ZNF766: variants seen among roughly 807,000 people sequenced by gnomAD.
ZNF766 encodes zinc finger protein 766.
A neutral mutation model predicts 13.2 loss-of-function variants in ZNF766; 13 were observed. The ratio of observed to expected loss-of-function variants is 0.98; its 90% CI spans 0.64 to 1.56. The LOEUF (loss-of-function observed/expected upper bound fraction) is 1.56, where lower values mean the gene tolerates loss of function less well. Ranked by LOEUF, ZNF766 falls within the 40% of genes most tolerant of loss-of-function variation. The probability of loss-of-function intolerance (pLI) is 0.00; values close to 1 mark genes in which losing one functional copy is unlikely to be tolerated. For missense variants in ZNF766, 521 were observed against 552.2 expected (o/e 0.94, Z 0.57); for synonymous variants, 178 against 187.6 (o/e 0.95, Z 0.42).
At chr19:52,278,230 C>T (rs938330108) in intron 1 of ZNF766, among the ~76,000 whole-genome samples, 18 of 152,020 alleles carry the variant, frequency 1.2e-4, no homozygotes, top group African/African-American at 4.3e-4. Flanking sequence ...GCCATCACGC[C>T]AGGCCTTTTC....
At chr19:52,274,482 TGGA>T (rs1343844822) in intron 1 of ZNF766, 1 of 152,358 alleles carries the variant, frequency 6.6e-6, no homozygotes. Context: ...AACCTGGATG[TGGA>T]GGAGGATGAC....
chr19:52,273,164 A>G (rs1981048354), intron 1 of ZNF766, among the ~76,000 whole-genome samples: 1 of 151,872 alleles, frequency 6.6e-6, no homozygotes, highest in African/African-American at 2.4e-5. Flanking sequence ...GTGCACCATC[A>G]CGCCCAACTA....
intron 1 of ZNF766, among the ~76,000 whole-genome samples, chr19:52,280,955 C>T (rs1442175462): frequency 5.9e-5 from 9 of 151,330 alleles, no homozygotes; most frequent in Admixed American, 3.9e-4. Flanking sequence ...GTCAGGAGTT[C>T]GAGACCAGCC....
Position 52,291,437 on chromosome 19 carries a change from G to A in ZNF766, c.*239G>A, listed in dbSNP as rs1982140008. ...GTGTATAAAGGGTGCAAGGACACGTGGAAATGATCTGTAATATTCGGGTTA... is the reference window on the plus strand; with the variant it reads ...GTGTATAAAGGGTGCAAGGACACGTAGAAATGATCTGTAATATTCGGGTTA... On this transcript the variant is annotated 3_prime_UTR_variant, in exon 4 of 4. Coordinates refer to ENST00000439461, the MANE Select transcript of ZNF766 (RefSeq NM_001010851.3). 2.3e-6 allele frequency: 1 copy of A among 442,132 alleles called. No individual in the cohort carries two copies. Among genetic ancestry groups the A allele is most frequent in the Non-Finnish European group, 4.0e-6 (1 of 252,318 alleles). 27.4% of individuals were successfully genotyped at this position (442,132 alleles called of 1,614,324 possible).
At chr19:52,273,251 G>A (rs1422191132) in intron 1 of ZNF766, among the ~76,000 whole-genome samples, 2 of 152,086 alleles carry the variant, frequency 1.3e-5, no homozygotes, top group Non-Finnish European at 2.9e-5. Flanking sequence ...CTTGTGATCT[G>A]CCCGCCTTGG....
Position 52,293,293 on chromosome 19 carries a change from C to T in ZNF766, c.*2095C>T, listed in dbSNP as rs1446585248. 1.3e-5 allele frequency: 2 copies of T among 151,682 alleles called. No individual in the cohort carries two copies. Among genetic ancestry groups the T allele is most frequent in the Non-Finnish European group, 2.9e-5 (2 of 68,016 alleles). The allele number at this position is 151,682 out of a possible 1,614,324, so 9.4% of individuals were successfully genotyped here. On this transcript the variant is annotated 3_prime_UTR_variant, in exon 4 of 4. Coordinates refer to ENST00000439461, the MANE Select transcript of ZNF766 (RefSeq NM_001010851.3). ...GGTTCAAGTGATTCTCCTGTCTACA[C>T]CTCCCAAGTAGCTGGATTACAGGCA...
rs937828411 is a variant in ZNF766, at chr19:52,291,916, A to G, written c.*718A>G. ...GTAGCAAGGCCCATCCCTACAAAATAAAAAAAATAAGCCAGGCCCTTGGCA... is the reference window on the plus strand; with the variant it reads ...GTAGCAAGGCCCATCCCTACAAAATGAAAAAAATAAGCCAGGCCCTTGGCA... On this transcript the variant is annotated 3_prime_UTR_variant, in exon 4 of 4. Coordinates refer to ENST00000439461, the MANE Select transcript of ZNF766 (RefSeq NM_001010851.3). The G allele has an allele frequency of 1.1e-5, 5 of 474,130 alleles. No homozygotes were observed. The highest frequency in any genetic ancestry group is 1.9e-5 in the Non-Finnish European group (5 of 266,202). 29.4% of individuals were successfully genotyped at this position (474,130 alleles called of 1,614,324 possible).
At position 52,292,091 on chromosome 19, in the gene ZNF766, G is replaced by T; in HGVS notation, c.*893G>T. 2 of 697,062 alleles carry T rather than the reference G, an allele frequency of 2.9e-6. No homozygotes were observed. Among genetic ancestry groups the T allele is most frequent in the Admixed American group, 2.1e-5 (1 of 48,362 alleles). 43.2% of individuals were successfully genotyped at this position (697,062 alleles called of 1,614,324 possible). A position where few individuals can be genotyped will look rare whatever the true frequency, so the allele number is the denominator to read the frequency against. On this transcript the variant is annotated 3_prime_UTR_variant, in exon 4 of 4. Coordinates refer to ENST00000439461, the MANE Select transcript of ZNF766 (RefSeq NM_001010851.3). ...GACCCTGTCTCAAAAGAAAAAAAAG[G>T]CTAGTTTTTATGACTTCAACCTGAA...
Position 52,295,418 on chromosome 19 carries a change from C to T in ZNF766, c.*4220C>T, listed in dbSNP as rs1319685585. ...AGGCATGGTCTTGAACTCCTGACTT[C>T]AGGTGATCCACCCGCTTCGGCCTCC... On this transcript the variant is annotated 3_prime_UTR_variant, in exon 4 of 4. Transcript: ENST00000439461. 1 of 152,252 alleles carries T rather than the reference C, an allele frequency of 6.6e-6. No individual in the cohort carries two copies. The highest frequency in any genetic ancestry group is 1.5e-5 in the Non-Finnish European group (1 of 68,082). 9.4% of individuals were successfully genotyped at this position (152,252 alleles called of 1,614,324 possible).
chr19:52,270,607 C>G (rs1293699641), intron 1 of ZNF766, among the ~76,000 whole-genome samples: 1 of 151,894 alleles, frequency 6.6e-6, no homozygotes, highest in Non-Finnish European at 1.5e-5. Flanking sequence ...GGAGAACCAC[C>G]CCAGAGATCT....
intron 1 of ZNF766, among the ~76,000 whole-genome samples, chr19:52,270,941 C>T (rs113122881): frequency 1.3e-5 from 2 of 152,076 alleles, no homozygotes; most frequent in African/African-American, 4.8e-5. Flanking sequence ...CCCGCCAGCT[C>T]GCCTGGCCAA....
At chr19:52,269,667 A>G in intron 1 of ZNF766, 36 bp downstream of exon 1, 1 of 1,611,662 alleles carries the variant, frequency 6.2e-7, no homozygotes, top group African/African-American at 1.3e-5. Context: ...GTGTTCGCTT[A>G]GCGGTGCCCT....
At chr19:52,272,528 G>A (rs576266393) in intron 1 of ZNF766, among the ~76,000 whole-genome samples, 104 of 152,196 alleles carry the variant, frequency 6.8e-4, no homozygotes, top group African/African-American at 2.5e-3. Context: ...GTGCAGTGGT[G>A]CAATCATAGC....
rs1568618564 is a variant in ZNF766 at position 52,280,358 on chromosome 19, C to CT, written c.19-1752dup. Among the ~76,000 whole-genome samples, 5 of 151,982 alleles carry CT rather than the reference C, an allele frequency of 3.3e-5. No individual in the cohort carries two copies. The South Asian group carries it at 8.3e-4, about 25-fold the overall frequency. ...TGGACAACATAGCAAGACCCAGTCTCTAAGAATTTTTTTTAAAAAAGATGA... is the reference window on the plus strand; with the variant it reads ...TGGACAACATAGCAAGACCCAGTCTCTTAAGAATTTTTTTTAAAAAAGATGA... On this transcript the variant is annotated intron_variant, in intron 1 of 3. Coordinates refer to ENST00000439461, the MANE Select transcript of ZNF766 (RefSeq NM_001010851.3).
chr19:52,295,476 T>C lies in ZNF766; in HGVS notation c.*4278T>C, dbSNP rs4801911. 0.43 allele frequency: 65,360 copies of C among 152,096 alleles called. 14,493 individuals carry two copies. Among genetic ancestry groups the C allele is most frequent in the African/African-American group, 0.53 (22,072 of 41,480 alleles). The allele number at this position is 152,096 out of a possible 1,614,324, so 9.4% of individuals were successfully genotyped here. A position where few individuals can be genotyped will look rare whatever the true frequency, so the allele number is the denominator to read the frequency against. ...TTGGGATTACAGGCATGAGCCACCA[T>C]GCCCGGCCAGATGCTATGCTTAATA... On this transcript the variant is annotated 3_prime_UTR_variant, in exon 4 of 4. Coordinates refer to ENST00000439461, the MANE Select transcript of ZNF766 (RefSeq NM_001010851.3).
At position 52,281,047 on chromosome 19, in the gene ZNF766, C is replaced by T. The variant is rs568796016; in HGVS notation, c.19-1064C>T. On this transcript the variant is annotated intron_variant, in intron 1 of 3. Transcript: ENST00000439461. The stretch of plus-strand genomic sequence containing the variant: ...GCACATACCTGTAATCTCAGCTACT[C>T]GGGAGGCTGAGGCAGGAGAATCCCT... Among the ~76,000 whole-genome samples, 9 of 151,470 alleles carry T rather than the reference C, an allele frequency of 5.9e-5. No homozygotes were observed. The South Asian group carries it at 6.3e-4, about 11-fold the overall frequency.
intron 1 of ZNF766, among the ~76,000 whole-genome samples, chr19:52,274,891 G>A (rs1257241025): frequency 6.6e-6 from 1 of 152,158 alleles, no homozygotes; most frequent in Non-Finnish European, 1.5e-5. Context: ...GCAATTCACA[G>A]TTAAAGATAT....
chr19:52,292,004 T>G lies in ZNF766; in HGVS notation c.*806T>G. The G allele has an allele frequency of 1.7e-6, 1 of 593,328 alleles. No individual in the cohort carries two copies. Among genetic ancestry groups the G allele is most frequent in the Non-Finnish European group, 3.0e-6 (1 of 334,108 alleles). The allele number at this position is 593,328 out of a possible 1,614,324, so 36.8% of individuals were successfully genotyped here. A position where few individuals can be genotyped will look rare whatever the true frequency, so the allele number is the denominator to read the frequency against. On this transcript the variant is annotated 3_prime_UTR_variant, in exon 4 of 4. Coordinates refer to ENST00000439461, the MANE Select transcript of ZNF766 (RefSeq NM_001010851.3). The stretch of plus-strand genomic sequence containing the variant: ...AGAGGATTGCTCAAGCCCAGGAGTT[T>G]GAGAGTTTGAGCAGTGAGCTCTGAT...
At chr19:52,271,980 C>CAAAAAAAAAAAAA (rs371229113) in intron 1 of ZNF766, among the ~76,000 whole-genome samples, 1 of 89,196 alleles carries the variant, frequency 1.1e-5, no homozygotes. Flanking sequence ...GAGACTGTCT[C>CAAAAAAAAAAAAA]AAAAAAAAAA....
Sources: allele counts gnomAD v4.1 joint callset (sites outside exome capture counted in the v4.1 genomes callset), GRCh38; gene constraint gnomAD v4.1.1; transcripts MANE v1.5; gene names NCBI Gene and HGNC (gene_info 2026-07-23, HGNC 2026-07-21).